The following PPAT variants were observed in gnomAD, a reference collection of about 807,000 sequenced individuals.
PPAT encodes amidophosphoribosyltransferase.
Under a neutral mutation model 60.2 loss-of-function variants are expected in PPAT, and 20 were observed. The observed-to-expected ratio is 0.33, with a 90% CI of 0.23 to 0.48. The LOEUF (loss-of-function observed/expected upper bound fraction) is 0.48. Among genes scored for constraint, PPAT ranks in the 20% least tolerant of loss-of-function variants. PPAT has a pLI of 0.99. For synonymous variants in PPAT, 194 were observed against 215.1 expected, an observed-to-expected ratio of 0.90 and a Z score of 0.86; for missense variants, 349 against 629.6, an observed-to-expected ratio of 0.55 and a Z score of 4.77.
intron 1 of PPAT, chr4:56,423,449 C>A (rs1717141036): frequency 6.6e-6 from 1 of 151,962 alleles, no homozygotes; most frequent in South Asian, 2.1e-4. Flanking sequence ...ACAGCAAGAA[C>A]CCATCTCTAA....
In PPAT at chr4:56,418,310, C is replaced by CTTATT. The variant is rs887545162; in HGVS notation, c.129-10599_129-10595dup. On this transcript the variant is annotated intron_variant, in intron 1 of 10. Transcript: ENST00000264220. ...GAAAATTACTTTCTTTTTTAAAAAA[C>CTTATT]TTATTTTATTTTATTTTATCTTATT... 3.3e-5 allele frequency among the ~76,000 whole-genome samples: 5 copies of CTTATT among 151,934 alleles called. No individual in the cohort carries two copies. The East Asian group carries it at 5.8e-4, about 18-fold the overall frequency.
chr4:56,400,738 C>G (rs775429010), intron 8 of PPAT, 46 bp downstream of exon 8: 1 of 1,540,078 alleles, frequency 6.5e-7, no homozygotes, highest in Non-Finnish European at 8.8e-7. Context: ...TTTCTTATTC[C>G]ACAGCTGGGA....
intron 1 of PPAT, among the ~76,000 whole-genome samples, chr4:56,425,637 C>CAG (rs1400894943): frequency 6.6e-6 from 1 of 152,172 alleles, no homozygotes; most frequent in Non-Finnish European, 1.5e-5. Context: ...CTTCCAGAGA[C>CAG]AGAGGCATCT....
At chr4:56,434,798 T>C (rs1717806727) in intron 1 of PPAT, among the ~76,000 whole-genome samples, 2 of 152,238 alleles carry the variant, frequency 1.3e-5, no homozygotes, top group African/African-American at 4.8e-5. Context: ...CATCTTTCCC[T>C]GGGTCTGAAG....
intron 1 of PPAT, among the ~76,000 whole-genome samples, chr4:56,434,263 C>CA (rs1473655885): frequency 2.0e-5 from 3 of 152,190 alleles, no homozygotes; most frequent in South Asian, 2.1e-4. Context: ...ATGAAAACAG[C>CA]AAAAAATACT....
At chr4:56,429,901 C>A (rs757251276) in intron 1 of PPAT, among the ~76,000 whole-genome samples, 5 of 152,130 alleles carry the variant, frequency 3.3e-5, no homozygotes, top group Non-Finnish European at 5.9e-5. Flanking sequence ...ATGAGATTCA[C>A]CCATGACTTT....
chr4:56,417,337 C>T (rs1716811800), intron 1 of PPAT, among the ~76,000 whole-genome samples: 1 of 151,666 alleles, frequency 6.6e-6, no homozygotes, highest in Admixed American at 6.6e-5. Context: ...ACATTAAATA[C>T]ACCATAAAAT....
At chr4:56,420,266 T>G (rs1199901702) in intron 1 of PPAT, 1 of 152,368 alleles carries the variant, frequency 6.6e-6, no homozygotes. Flanking sequence ...AAGCTAATTT[T>G]ATGCAATATT....
At chr4:56,423,946 G>A (rs1010683035) in intron 1 of PPAT, among the ~76,000 whole-genome samples, 1 of 151,894 alleles carries the variant, frequency 6.6e-6, no homozygotes, top group Non-Finnish European at 1.5e-5. Context: ...GTAGTATTGA[G>A]GTATAAAAAT....
In PPAT at chr4:56,395,490, C is replaced by T. The variant is rs76674380; in HGVS notation, c.1416G>A (p.Gly472=). ...VEGLVSSVQE[G]IKFKKQKEKK... ...TCTCTTTCTGTTTTTTAAACTTTAT[C>T]CCTTCTTGTACAGATGAAACCAGTC... is the stretch of plus-strand genomic sequence containing the variant. The change falls in exon 11 of 11, where the codon GGG becomes GGA. Residue 472 remains glycine (G), a synonymous_variant. Coordinates refer to ENST00000264220, the MANE Select transcript of PPAT (RefSeq NM_002703.5). 24 of 1,612,448 alleles carry T rather than the reference C, an allele frequency of 1.5e-5. No individual in the cohort carries two copies. In the Admixed American group the frequency reaches 2.8e-4, roughly 19 times the overall value.
chr4:56,409,155 T>C (rs1716339173), intron 1 of PPAT, among the ~76,000 whole-genome samples: 2 of 152,172 alleles, frequency 1.3e-5, no homozygotes, highest in African/African-American at 4.8e-5. Flanking sequence ...TCCTATGAAG[T>C]AGGTACTATG....
chr4:56,420,724 T>C (rs1316322725), intron 1 of PPAT: 1 of 152,172 alleles, frequency 6.6e-6, no homozygotes, highest in Non-Finnish European at 1.5e-5. Context: ...AAAAGGGCAT[T>C]GAAGAACTTA....
intron 5 of PPAT, 150 bp from the exon 6 acceptor site, chr4:56,402,331 T>G: frequency 4.2e-6 from 2 of 480,788 alleles, no homozygotes; most frequent in Non-Finnish European, 7.2e-6. Context: ...TCATTTGACT[T>G]GAGCCAAAGA....
At chr4:56,434,305 T>G (rs917732986) in intron 1 of PPAT, among the ~76,000 whole-genome samples, 3 of 152,216 alleles carry the variant, frequency 2.0e-5, no homozygotes, top group African/African-American at 7.2e-5. Flanking sequence ...GAAAAGCTAA[T>G]CTTTTGGAAT....
chr4:56,402,747 T>G (rs1010177516), intron 5 of PPAT, among the ~76,000 whole-genome samples: 1 of 130,226 alleles, frequency 7.7e-6, no homozygotes, highest in African/African-American at 3.0e-5. Context: ...ACCTGGGAGG[T>G]GGAGGTTGCA....
chr4:56,398,224 C>T (rs1052028329), intron 9 of PPAT, among the ~76,000 whole-genome samples: 3 of 151,984 alleles, frequency 2.0e-5, no homozygotes. Context: ...CAAAAATTAG[C>T]CTGGCTGCAA....
In PPAT at chr4:56,396,820, T is replaced by C. The variant is rs950972727; in HGVS notation, c.1237-81A>G. On this transcript the variant is annotated intron_variant, in intron 9 of 10. Transcript: ENST00000264220. The surrounding 1 kb of genome is among the most constrained non-coding windows in gnomAD (Gnocchi z 4.6). ...TGTGCAAATACAATACAAAATTGTT[T>C]TGCAGAATATTCAGTAACAACATAT... 1 of 1,395,020 alleles carries C rather than the reference T, an allele frequency of 7.2e-7. No individual in the cohort carries two copies. Among genetic ancestry groups the C allele is most frequent in the Non-Finnish European group, 9.7e-7 (1 of 1,030,886 alleles). The allele number at this position is 1,395,020 out of a possible 1,614,324, so 86.4% of individuals were successfully genotyped here.
chr4:56,434,803 C>G lies in PPAT; in HGVS notation c.128+547G>C, dbSNP rs370028662. Reference sequence around the variant, plus strand: ...ATCAACTAGTCATCTTTCCCTGGGTCTGAAGTCTAGCATCCTCAAGTTCCC... The same window carrying G: ...ATCAACTAGTCATCTTTCCCTGGGTGTGAAGTCTAGCATCCTCAAGTTCCC... On this transcript the variant is annotated intron_variant, in intron 1 of 10. Coordinates refer to ENST00000264220, the MANE Select transcript of PPAT (RefSeq NM_002703.5). Among the ~76,000 whole-genome samples the G allele has an allele frequency of 2.6e-5, 4 of 152,356 alleles. No individual in the cohort carries two copies. In the South Asian group the frequency reaches 6.2e-4, roughly 24 times the overall value.
At chr4:56,427,383 T>C (rs1717344291) in intron 1 of PPAT, among the ~76,000 whole-genome samples, 1 of 152,208 alleles carries the variant, frequency 6.6e-6, no homozygotes, top group Non-Finnish European at 1.5e-5. Context: ...GTGGAATTGC[T>C]TGGTCATATG....
Sources: gnomAD v4.1 joint callset for allele counts (sites outside exome capture counted in the v4.1 genomes callset) on GRCh38, gnomAD v4.1.1 for gene constraint, Gnocchi (gnomAD v3.1) non-coding constraint, MANE v1.5 for transcripts, NCBI Gene and HGNC (gene_info 2026-07-23, HGNC 2026-07-21) for gene names.